The following DOCK1 variants were observed in gnomAD, a reference collection of about 807,000 sequenced individuals.
DOCK1 encodes the protein dedicator of cytokinesis protein 1.
Under a neutral mutation model 262.7 loss-of-function variants are expected in DOCK1, and 138 were observed. The observed-to-expected ratio is 0.53, with a 90% confidence interval of 0.46 to 0.61. The LOEUF (loss-of-function observed/expected upper bound fraction) is 0.61. Among genes scored for constraint, DOCK1 ranks in the 20% least tolerant of loss-of-function variants. The pLI, the probability that DOCK1 is intolerant of heterozygous loss-of-function variation, is 0.00. For missense variants in DOCK1, 1,908 were observed against 2,370.7 expected, an observed-to-expected ratio of 0.80 and a Z score of 4.05; for synonymous variants, 866 against 867.4, an observed-to-expected ratio of 1.00 and a Z score of 0.03.
Position 127,259,811 on chromosome 10 carries a change from A to C in DOCK1, c.3044+2382A>C, listed in dbSNP as rs551801946. Among the ~76,000 whole-genome samples the C allele has an allele frequency of 4.8e-4, 70 of 144,578 alleles. No homozygotes were observed. In the East Asian group the frequency reaches 0.014, roughly 28 times the overall value. The allele number at this position is 144,578 out of a possible 152,430, so 94.8% of individuals were successfully genotyped here. A position where few individuals can be genotyped will look rare whatever the true frequency, so the allele number is the denominator to read the frequency against. On this transcript the variant is annotated intron_variant, in intron 29 of 51. Transcript: ENST00000623213. ...ATGATTTTTTTTTTTTTTTTTTATA[A>C]TTGAGAGCCTGTTTTCAGTTGGAAC...
rs116502212 is a variant in DOCK1 at position 127,332,224 on chromosome 10, G to T, written c.3045-6782G>T. ...GACACGGCCTCAGGCTAGAGCAGAC[G>T]CACCCTGGGAATCCTCTGTATTCTT... is the stretch of plus-strand genomic sequence containing the variant. On this transcript the variant is annotated intron_variant, in intron 29 of 51. Coordinates refer to ENST00000623213, the MANE Select transcript of DOCK1 (RefSeq NM_001290223.2). Among the ~76,000 whole-genome samples, 5 of 152,166 alleles carry T rather than the reference G, an allele frequency of 3.3e-5. No individual in the cohort carries two copies. In the South Asian group the frequency reaches 6.2e-4, roughly 19 times the overall value.
intron 2 of DOCK1, 86 bp downstream of exon 2, chr10:126,970,871 G>A (rs1017332161): frequency 1.4e-6 from 2 of 1,448,288 alleles, no homozygotes; most frequent in Admixed American, 4.0e-5. Context: ...GCATTCCTCT[G>A]TTACAGACAC....
intron 27 of DOCK1, among the ~76,000 whole-genome samples, chr10:127,143,770 T>C (rs190976072): frequency 6.6e-6 from 1 of 152,290 alleles, no homozygotes; most frequent in Admixed American, 6.5e-5. Flanking sequence ...AAGTCCTTTC[T>C]GGGCCTTGGT....
At chr10:127,436,714 A>C (rs1211428273) in intron 48 of DOCK1, among the ~76,000 whole-genome samples, 4 of 152,124 alleles carry the variant, frequency 2.6e-5, no homozygotes, top group African/African-American at 9.7e-5. Context: ...TTTCTAATTT[A>C]AACTCTTTTT....
In DOCK1 at chr10:127,448,241, G is replaced by C. The variant is rs147957910; in HGVS notation, c.5565+696G>C. On this transcript the variant is annotated intron_variant, in intron 51 of 51. Transcript: ENST00000623213. ...CTGCTGGAACCCCTCTTCAGCGTGA[G>C]TCCCTGAAGCTGGTACCCCCCAGCA... Among the ~76,000 whole-genome samples, 1,180 of 152,330 alleles carry C rather than the reference G, an allele frequency of 7.7e-3. 5 individuals are homozygous for C. Among genetic ancestry groups the C allele is most frequent in the Non-Finnish European group, 0.013 (851 of 68,020 alleles).
chr10:127,002,477 G>T (rs2135176969), intron 10 of DOCK1, among the ~76,000 whole-genome samples: 2 of 152,324 alleles, frequency 1.3e-5, no homozygotes, highest in Middle Eastern at 6.8e-3. Flanking sequence ...GGTACTAATG[G>T]ATGGAGAGGG....
At position 127,257,444 on chromosome 10, in the gene DOCK1, A is replaced by G. The variant is rs1433498952; in HGVS notation, c.3044+15A>G. On this transcript the variant is annotated intron_variant, in intron 29 of 51. Transcript: ENST00000623213. The stretch of plus-strand genomic sequence containing the variant: ...GTGCAAAATAAGTAAGTGTGGGGAA[A>G]ACGGCTCTCACCTTTTCTATGGCTC... 1 of 1,584,308 alleles carries G rather than the reference A, an allele frequency of 6.3e-7. No individual in the cohort carries two copies. The highest frequency in any genetic ancestry group is 1.8e-5 in the Admixed American group (1 of 56,036).
At chr10:127,221,421 A>G (rs1214215075) in intron 27 of DOCK1, among the ~76,000 whole-genome samples, 1 of 152,152 alleles carries the variant, frequency 6.6e-6, no homozygotes, top group African/African-American at 2.4e-5. Flanking sequence ...ATCCTCATGT[A>G]TGTTAACGTG....
chr10:127,336,579 A>C (rs567138733), intron 29 of DOCK1, among the ~76,000 whole-genome samples: 3 of 149,072 alleles, frequency 2.0e-5, no homozygotes, highest in Admixed American at 1.3e-4. Context: ...TCACTCTGTC[A>C]CCCAGGCTGG....
chr10:127,041,706 G>A (rs1383617688), intron 19 of DOCK1, among the ~76,000 whole-genome samples: 2 of 152,168 alleles, frequency 1.3e-5, no homozygotes, highest in African/African-American at 2.4e-5. Flanking sequence ...ATTTCTCTGC[G>A]TTCTTGCCCA....
At chr10:126,993,777 T>C (rs1033083641) in intron 6 of DOCK1, among the ~76,000 whole-genome samples, 4 of 152,176 alleles carry the variant, frequency 2.6e-5, no homozygotes, top group African/African-American at 4.8e-5. Context: ...TCAATAGATA[T>C]TAAAAGGAAA....
At chr10:127,101,455 C>T (rs540312550) in intron 23 of DOCK1, among the ~76,000 whole-genome samples, 92 of 152,298 alleles carry the variant, frequency 6.0e-4, no homozygotes, top group Non-Finnish European at 6.8e-4. Context: ...CTTGCTAAAC[C>T]TCATTTACCG....
intron 1 of DOCK1, among the ~76,000 whole-genome samples, chr10:126,914,260 A>C (rs572917733): frequency 6.6e-6 from 1 of 152,264 alleles, no homozygotes; most frequent in African/African-American, 2.4e-5. Flanking sequence ...AGATCTCTAC[A>C]TCTCTCATCA....
In DOCK1 at chr10:127,225,009, G is replaced by T. The variant is rs544340642; in HGVS notation, c.2848-22999G>T. Among the ~76,000 whole-genome samples, 6 of 152,194 alleles carry T rather than the reference G, an allele frequency of 3.9e-5. No individual in the cohort carries two copies. In the East Asian group the frequency reaches 9.7e-4, roughly 25 times the overall value. ...AGAAGAATCTACTGTTGGGTAAGTT[G>T]CTACCCAAATATACATACATTCTTT... On this transcript the variant is annotated intron_variant, in intron 27 of 51. Coordinates refer to ENST00000623213, the MANE Select transcript of DOCK1 (RefSeq NM_001290223.2).
intron 46 of DOCK1, among the ~76,000 whole-genome samples, chr10:127,420,073 G>A (rs1228741690): frequency 6.6e-6 from 1 of 152,206 alleles, no homozygotes; most frequent in African/African-American, 2.4e-5. Flanking sequence ...GAGCCATGAA[G>A]CCTTGAGCTC....
intron 32 of DOCK1, among the ~76,000 whole-genome samples, chr10:127,359,621 A>C (rs918958591): frequency 7.9e-5 from 12 of 152,278 alleles, no homozygotes. Flanking sequence ...AGCATTTGGG[A>C]AAGTGGTGAG....
intron 39 of DOCK1, 60 bp from the exon 40 acceptor site, chr10:127,404,265 T>C: frequency 6.9e-7 from 1 of 1,446,096 alleles, no homozygotes; most frequent in Non-Finnish European, 9.5e-7. Context: ...GCAAGAAGAA[T>C]CCAGAGGCAC....
intron 31 of DOCK1, among the ~76,000 whole-genome samples, chr10:127,347,859 CT>C (rs2063712262): frequency 6.9e-5 from 5 of 72,350 alleles, no homozygotes; most frequent in African/African-American, 2.5e-4. Flanking sequence ...CTTCCCTTCC[CT>C]TCCCTTCCCT....
chr10:127,157,794 G>C (rs1036308105), intron 27 of DOCK1, among the ~76,000 whole-genome samples: 2 of 152,166 alleles, frequency 1.3e-5, no homozygotes, highest in Admixed American at 6.5e-5. Flanking sequence ...TTTTGTTTGG[G>C]ATCTTTCTTT....
Sources: allele counts gnomAD v4.1 joint callset (sites outside exome capture counted in the v4.1 genomes callset), GRCh38; gene constraint gnomAD v4.1.1; transcripts MANE v1.5; gene names NCBI Gene and HGNC (gene_info 2026-07-23, HGNC 2026-07-21).